The following WIPF2 variants were observed in gnomAD, a reference collection of about 807,000 sequenced individuals.
The protein encoded by WIPF2 is WAS/WASL interacting protein family member 2, also known as WAS/WASL-interacting protein family member 2.
A neutral mutation model predicts 38.8 loss-of-function variants in WIPF2; 23 were observed. The ratio of observed to expected loss-of-function variants is 0.59; its 90% CI spans 0.43 to 0.84. The LOEUF (loss-of-function observed/expected upper bound fraction) is 0.84, where lower values mean the gene tolerates loss of function less well. Among genes scored for constraint, WIPF2 ranks in the 40% least tolerant of loss-of-function variants. The pLI is 0.00. For missense variants in WIPF2, 574 were observed against 580.5 expected, an observed-to-expected ratio of 0.99 and a Z score of 0.11; for synonymous variants, 210 against 223.2, an observed-to-expected ratio of 0.94 and a Z score of 0.53.
In WIPF2 at chr17:40,277,067, T is replaced by A. The variant is rs1029332024; in HGVS notation, c.1181-16T>A. Reference sequence around the variant, plus strand: ...AAGCAAGGATGATAGGAATTAATGTTCTATTCTTTTCGCAGATGATTTTGA... The same window carrying A: ...AAGCAAGGATGATAGGAATTAATGTACTATTCTTTTCGCAGATGATTTTGA... On this transcript the variant is annotated splice_polypyrimidine_tract_variant and intron_variant, in intron 6 of 7. Coordinates refer to ENST00000323571, the MANE Select transcript of WIPF2 (RefSeq NM_133264.5). The A allele has an allele frequency of 5.6e-6, 9 of 1,600,926 alleles. No homozygotes were observed. Among genetic ancestry groups the A allele is most frequent in the Non-Finnish European group, 7.7e-6 (9 of 1,170,468 alleles).
intron 1 of WIPF2, among the ~76,000 whole-genome samples, chr17:40,228,945 T>G (rs1223369544): frequency 6.6e-6 from 1 of 151,780 alleles, no homozygotes; most frequent in Non-Finnish European, 1.5e-5. Flanking sequence ...AGACTTTTTT[T>G]TTTTAGACAA....
intron 1 of WIPF2, among the ~76,000 whole-genome samples, chr17:40,240,822 G>A (rs2031163577): frequency 2.0e-5 from 3 of 151,678 alleles, no homozygotes; most frequent in Non-Finnish European, 2.9e-5. Context: ...GCAGGCGCCT[G>A]TAGTACCAGC....
At chr17:40,268,596 A>T (rs188841379) in intron 5 of WIPF2, among the ~76,000 whole-genome samples, 2,312 of 151,746 alleles carry the variant, frequency 0.015, 30 homozygotes, top group Non-Finnish European at 0.023. Context: ...GCTCATTAAA[A>T]TTTTTTTTTA....
At chr17:40,228,236 C>T (rs888447129) in intron 1 of WIPF2, among the ~76,000 whole-genome samples, 87 of 151,210 alleles carry the variant, frequency 5.8e-4, no homozygotes, top group Non-Finnish European at 8.4e-4. Flanking sequence ...GGGATGGTCT[C>T]GATCTCCTGA....
rs146151276 is a variant in WIPF2, at chr17:40,243,948, T to G, written c.-69-12443T>G. Among the ~76,000 whole-genome samples the G allele has an allele frequency of 8.5e-5, 13 of 152,324 alleles. No individual in the cohort carries two copies. The East Asian group carries it at 2.1e-3, about 25-fold the overall frequency. ...CTGTAGTTGAAAAATTTTTTTCCCT[T>G]AAGTAACCTTGGAATTTTAATTAAT... On this transcript the variant is annotated intron_variant, in intron 1 of 7. Transcript: ENST00000323571.
chr17:40,265,170 T>C, intron 5 of WIPF2, 24 bp downstream of exon 5: 1 of 1,568,312 alleles, frequency 6.4e-7, no homozygotes, highest in Non-Finnish European at 8.6e-7. Context: ...AGCACCTTTT[T>C]CCCTATCATG....
chr17:40,235,825 T>C (rs905256042), intron 1 of WIPF2, among the ~76,000 whole-genome samples: 1 of 151,674 alleles, frequency 6.6e-6, no homozygotes, highest in African/African-American at 2.4e-5. Context: ...CTGCCTGTCT[T>C]GGCCTCCCAA....
chr17:40,284,012 G>A lies in WIPF2; in HGVS notation c.*5787G>A, dbSNP rs1255750934. The A allele has an allele frequency of 6.6e-6, 1 of 152,002 alleles. No individual in the cohort carries two copies. Among genetic ancestry groups the A allele is most frequent in the Non-Finnish European group, 1.5e-5 (1 of 68,000 alleles). 9.4% of individuals were successfully genotyped at this position (152,002 alleles called of 1,614,324 possible). A position where few individuals can be genotyped will look rare whatever the true frequency, so the allele number is the denominator to read the frequency against. On this transcript the variant is annotated 3_prime_UTR_variant, in exon 8 of 8. Coordinates refer to ENST00000323571, the MANE Select transcript of WIPF2 (RefSeq NM_133264.5). ...ATAAAAACCTATGAGGATGAGGGAG[G>A]GAGGGGAAGAAAAAAAAGGACTCCT...
chr17:40,274,032 C>A, intron 6 of WIPF2, 33 bp downstream of exon 6: 1 of 1,490,148 alleles, frequency 6.7e-7, no homozygotes, highest in South Asian at 1.4e-5. Context: ...TCTCATGGTT[C>A]CTGCGGTGAC....
At chr17:40,256,151 A>G (rs1289448740) in intron 1 of WIPF2, among the ~76,000 whole-genome samples, 2 of 151,860 alleles carry the variant, frequency 1.3e-5, no homozygotes, top group East Asian at 1.9e-4. Context: ...ACCTTACCAG[A>G]GAAGATAAAC....
intron 1 of WIPF2, among the ~76,000 whole-genome samples, chr17:40,231,104 A>G (rs1479783807): frequency 6.6e-6 from 1 of 152,180 alleles, no homozygotes; most frequent in African/African-American, 2.4e-5. Context: ...GCAGCCCATC[A>G]CTAGTGATCA....
At chr17:40,271,328 C>G (rs1029040318) in intron 5 of WIPF2, among the ~76,000 whole-genome samples, 2 of 152,152 alleles carry the variant, frequency 1.3e-5, no homozygotes, top group African/African-American at 2.4e-5. Flanking sequence ...TGAGTAGTCT[C>G]TTCACATACT....
intron 1 of WIPF2, among the ~76,000 whole-genome samples, chr17:40,239,886 G>A (rs941617348): frequency 5.3e-5 from 8 of 151,416 alleles, no homozygotes; most frequent in African/African-American, 1.7e-4. Context: ...TAATAGAGGT[G>A]GGGTTTTACC....
intron 6 of WIPF2, among the ~76,000 whole-genome samples, chr17:40,274,766 A>C (rs931060731): frequency 2.0e-5 from 3 of 150,886 alleles, no homozygotes; most frequent in Admixed American, 6.6e-5. Flanking sequence ...AACATGGTGG[A>C]ACTTCATCTC....
At chr17:40,249,834 GA>G (rs950410416) in intron 1 of WIPF2, among the ~76,000 whole-genome samples, 6 of 151,372 alleles carry the variant, frequency 4.0e-5, no homozygotes, top group Admixed American at 6.6e-5. Flanking sequence ...ACATCAGGAA[GA>G]TTTTTTTTTT....
chr17:40,274,087 T>C, intron 6 of WIPF2, 88 bp downstream of exon 6: 2 of 1,106,272 alleles, frequency 1.8e-6, no homozygotes, highest in Non-Finnish European at 1.3e-6. Context: ...CACCATAGAG[T>C]GGGAATGGCC....
intron 1 of WIPF2, among the ~76,000 whole-genome samples, chr17:40,251,516 T>G (rs981833766): frequency 6.6e-6 from 1 of 152,194 alleles, no homozygotes; most frequent in Non-Finnish European, 1.5e-5. Flanking sequence ...TGGAAACATA[T>G]AGAGAACTGT....
chr17:40,262,055 C>T (rs917944651), intron 3 of WIPF2, among the ~76,000 whole-genome samples: 6 of 146,894 alleles, frequency 4.1e-5, no homozygotes, highest in Non-Finnish European at 8.9e-5. Context: ...GCCTAGCTTT[C>T]CTTTCTTTTC....
rs376271347 is a variant in WIPF2, at chr17:40,231,477, GT to G, written c.-70+11986del. ...AGTCTTGCTCTGTGTCCCAGCTGGA[GT>G]GCAGTGGCACGATCTCAGCTCACTG... On this transcript the variant is annotated intron_variant, in intron 1 of 7. Transcript: ENST00000323571. Among the ~76,000 whole-genome samples, 562 of 148,866 alleles carry G rather than the reference GT, an allele frequency of 3.8e-3. 2 individuals are homozygous for G. Among genetic ancestry groups the G allele is most frequent in the African/African-American group, 0.013 (543 of 40,248 alleles).
Sources: allele counts gnomAD v4.1 joint callset (sites outside exome capture counted in the v4.1 genomes callset), GRCh38; gene constraint gnomAD v4.1.1; transcripts MANE v1.5; gene names NCBI Gene and HGNC (gene_info 2026-07-23, HGNC 2026-07-21).